Variants in TRAPPC9 observed in about 807,000 individuals in gnomAD.
TRAPPC9 encodes the protein trafficking protein particle complex subunit 9.
A neutral mutation model predicts 124.0 loss-of-function variants in TRAPPC9; 83 were observed. The ratio of observed to expected loss-of-function variants is 0.67; its 90% CI spans 0.56 to 0.80. The LOEUF (loss-of-function observed/expected upper bound fraction) is 0.80, where lower values mean the gene tolerates loss of function less well. TRAPPC9 is among the 30% of genes least tolerant of loss of function. The probability of loss-of-function intolerance (pLI) is 0.00; values close to 1 mark genes in which losing one functional copy is unlikely to be tolerated. For missense variants in TRAPPC9, 1,302 were observed against 1,508.3 expected, an observed-to-expected ratio of 0.86 and a Z score of 2.27; for synonymous variants, 638 against 617.5, an observed-to-expected ratio of 1.03 and a Z score of -0.49.
At chr8:139,832,777 G>A (rs1296234693) in intron 21 of TRAPPC9, among the ~76,000 whole-genome samples, 1 of 152,134 alleles carries the variant, frequency 6.6e-6, no homozygotes, top group Non-Finnish European at 1.5e-5. Context: ...GTCCCTTCCT[G>A]TGGGGAGCTC....
chr8:140,157,188 CT>C (rs36135300), intron 17 of TRAPPC9, among the ~76,000 whole-genome samples: 542 of 52,276 alleles, frequency 0.01, 32 homozygotes, highest in African/African-American at 0.018. Context: ...AAAAGCCTCC[CT>C]TTTCCATTCA....
chr8:140,245,785 G>A (rs2063970155), intron 16 of TRAPPC9, among the ~76,000 whole-genome samples: 1 of 152,182 alleles, frequency 6.6e-6, no homozygotes, highest in Admixed American at 6.5e-5. Flanking sequence ...TCAGCCTCAG[G>A]TGTGATTCTG....
chr8:140,390,037 C>T (rs937913642), intron 7 of TRAPPC9, among the ~76,000 whole-genome samples: 4 of 152,178 alleles, frequency 2.6e-5, no homozygotes, highest in African/African-American at 9.6e-5. Context: ...GGCGTGGTGG[C>T]TCATGCCTGT....
chr8:139,918,531 G>GGGCCCTCCCC (rs80129643), intron 19 of TRAPPC9, among the ~76,000 whole-genome samples: 6 of 152,194 alleles, frequency 3.9e-5, no homozygotes, highest in Non-Finnish European at 8.8e-5. Context: ...CCAGAGCGAG[G>GGGCCCTCCCC]GGCCCTCCCC....
chr8:139,947,907 T>TATATATATATATATATATAGAGAGAG, intron 19 of TRAPPC9, among the ~76,000 whole-genome samples: 106 of 59,912 alleles, frequency 1.8e-3, no homozygotes, highest in Non-Finnish European at 2.8e-3. Context: ...TATATATATA[T>TATATATATATATATATATAGAGAGAG]AGAGAGAGAG....
intron 16 of TRAPPC9, among the ~76,000 whole-genome samples, chr8:140,243,014 C>T (rs1020258537): frequency 5.9e-5 from 9 of 152,136 alleles, no homozygotes. Context: ...TTGGGCATAT[C>T]GGCTGAGGGA....
At chr8:139,779,520 G>A (rs1454126967) in intron 21 of TRAPPC9, among the ~76,000 whole-genome samples, 3 of 152,148 alleles carry the variant, frequency 2.0e-5, no homozygotes, top group African/African-American at 7.2e-5. Flanking sequence ...GGCTTATAAT[G>A]TATGTATAAA....
chr8:140,024,194 C>T, intron 17 of TRAPPC9, 115 bp from the exon 18 acceptor site: 1 of 1,329,430 alleles, frequency 7.5e-7, no homozygotes. Context: ...CCCAACTAGT[C>T]AAGTCATCAG....
At chr8:140,368,486 T>C (rs1309232993) in intron 8 of TRAPPC9, among the ~76,000 whole-genome samples, 2 of 152,030 alleles carry the variant, frequency 1.3e-5, no homozygotes, top group Non-Finnish European at 2.9e-5. Flanking sequence ...CAAAAACCCA[T>C]AAAAACTGGG....
chr8:140,012,387 GAC>G (rs1217237284), intron 18 of TRAPPC9, among the ~76,000 whole-genome samples: 4 of 152,154 alleles, frequency 2.6e-5, no homozygotes, highest in Non-Finnish European at 5.9e-5. Context: ...TAAAAGGGGA[GAC>G]ACAGAAAAGA....
chr8:140,068,581 T>G (rs1381471115), intron 17 of TRAPPC9, among the ~76,000 whole-genome samples: 10 of 152,236 alleles, frequency 6.6e-5, no homozygotes, highest in Non-Finnish European at 1.3e-4. Context: ...TGATTCAAAC[T>G]CAGCCACGCT....
chr8:140,322,739 G>A (rs1322413622), intron 9 of TRAPPC9, among the ~76,000 whole-genome samples: 1 of 152,162 alleles, frequency 6.6e-6, no homozygotes, highest in Non-Finnish European at 1.5e-5. Context: ...AGGAGGCTGA[G>A]GTGGAAGGGT....
At chr8:139,985,497 G>A (rs1439280856) in intron 19 of TRAPPC9, among the ~76,000 whole-genome samples, 1 of 152,140 alleles carries the variant, frequency 6.6e-6, no homozygotes, top group Non-Finnish European at 1.5e-5. Context: ...GGAACCTGAG[G>A]TGCCGCAGCA....
At chr8:140,405,442 T>C (rs1564002802) in intron 6 of TRAPPC9, 135 bp downstream of exon 6, 4 of 907,270 alleles carry the variant, frequency 4.4e-6, no homozygotes, top group African/African-American at 3.4e-5. Context: ...TATAGTACTA[T>C]GCATTAGAGA....
chr8:140,256,755 T>C (rs11779123), intron 15 of TRAPPC9, among the ~76,000 whole-genome samples: 33,758 of 152,002 alleles, frequency 0.22, 4,068 homozygotes, highest in African/African-American at 0.31. Context: ...GTGTTACTTT[T>C]CTGGGGTCTC....
intron 9 of TRAPPC9, among the ~76,000 whole-genome samples, chr8:140,327,525 G>A (rs774913649): frequency 1.1e-4 from 17 of 152,192 alleles, no homozygotes; most frequent in Non-Finnish European, 2.2e-4. Context: ...TCCATTGACT[G>A]ATGAACAGAT....
At position 139,960,465 on chromosome 8, in the gene TRAPPC9, T is replaced by C. The variant is rs190324148; in HGVS notation, c.2810+28261A>G. Among the ~76,000 whole-genome samples, 419 of 152,226 alleles carry C rather than the reference T, an allele frequency of 2.8e-3. 3 individuals are homozygous for C. The highest frequency in any genetic ancestry group is 9.2e-3 in the African/African-American group (380 of 41,516). On this transcript the variant is annotated intron_variant, in intron 19 of 22. Transcript: ENST00000438773. ...CTGGTCTGAACTGGCCACCCCTCCTTGGGTTCTCCCGCCTCTCAATGTCAT... is the reference window on the plus strand; with the variant it reads ...CTGGTCTGAACTGGCCACCCCTCCTCGGGTTCTCCCGCCTCTCAATGTCAT...
Position 140,450,770 on chromosome 8 carries a change from G to A in TRAPPC9, c.584+20C>T, listed in dbSNP as rs779838891. The A allele has an allele frequency of 1.9e-6, 3 of 1,581,726 alleles. No homozygotes were observed. In the East Asian group the frequency reaches 6.8e-5, roughly 36 times the overall value. On this transcript the variant is annotated intron_variant, in intron 2 of 22. Coordinates refer to ENST00000438773, the MANE Select transcript of TRAPPC9 (RefSeq NM_001160372.4). ...CTGATGCAGGGAAGCCAAGGGGCCT[G>A]GGTCTCTAGGTAAGCTTACCTGCTG... is the stretch of plus-strand genomic sequence containing the variant.
chr8:140,194,821 G>T, intron 17 of TRAPPC9, among the ~76,000 whole-genome samples: 1 of 151,712 alleles, frequency 6.6e-6, no homozygotes, highest in East Asian at 1.9e-4. Flanking sequence ...ACAACCTATC[G>T]TACAGCTCAC....
Sources: allele counts gnomAD v4.1 joint callset (sites outside exome capture counted in the v4.1 genomes callset), GRCh38; gene constraint gnomAD v4.1.1; transcripts MANE v1.5; gene names NCBI Gene and HGNC (gene_info 2026-07-23, HGNC 2026-07-21).